SLIT3: variants seen among roughly 807,000 people sequenced by gnomAD.
The protein encoded by SLIT3 is slit homolog 3 protein.
In SLIT3, 68 loss-of-function variants were observed where a neutral mutation model predicts 184.0. That is an observed-to-expected ratio of 0.37 (90% CI 0.30 to 0.45). The LOEUF (loss-of-function observed/expected upper bound fraction) is 0.45. Ranked by LOEUF, SLIT3 falls within the 20% of genes least tolerant of loss-of-function variation. The probability of loss-of-function intolerance (pLI) is 1.00; values close to 1 mark genes in which losing one functional copy is unlikely to be tolerated. For missense variants in SLIT3, 1,707 were observed against 2,026.0 expected (o/e 0.84, Z 3.02); for synonymous variants, 831 against 828.6 (o/e 1.00, Z -0.05).
chr5:168,961,917 G>A (rs2113286059), intron 4 of SLIT3, among the ~76,000 whole-genome samples: 1 of 152,146 alleles, frequency 6.6e-6, no homozygotes, highest in Admixed American at 6.5e-5. Flanking sequence ...GGTCAAAGCT[G>A]TGCTTTGAAA....
rs565669907 is a variant in SLIT3 at position 169,198,262 on chromosome 5, G to A, written c.342-4712C>T. 2.2e-3 allele frequency among the ~76,000 whole-genome samples: 331 copies of A among 152,332 alleles called. 2 individuals carry two copies. The highest frequency in any genetic ancestry group is 7.3e-3 in the African/African-American group (305 of 41,576). On this transcript the variant is annotated intron_variant, in intron 3 of 35. Transcript: ENST00000519560. ...GTTCTTGAAAGCGAAGGTGTCGTGG[G>A]AACACAATGGAGCAGCAGCTAACCC...
intron 12 of SLIT3, among the ~76,000 whole-genome samples, chr5:168,784,868 G>GAC (rs34317589): frequency 0.032 from 4,854 of 149,810 alleles, 96 homozygotes; most frequent in African/African-American, 0.059. Flanking sequence ...ATTTTAAAAA[G>GAC]ACACACACAC....
At chr5:169,054,595 T>C (rs918586978) in intron 4 of SLIT3, among the ~76,000 whole-genome samples, 2 of 151,974 alleles carry the variant, frequency 1.3e-5, no homozygotes, top group African/African-American at 2.4e-5. Context: ...CCTAAGTCCC[T>C]CCCCTTCTTA....
intron 4 of SLIT3, among the ~76,000 whole-genome samples, chr5:168,914,175 T>A (rs1761358856): frequency 6.6e-6 from 1 of 152,254 alleles, no homozygotes; most frequent in East Asian, 1.9e-4. Context: ...TTAGAAAAGT[T>A]CCTAGCAGTG....
chr5:168,958,550 A>C (rs1198658324), intron 4 of SLIT3, among the ~76,000 whole-genome samples: 5 of 152,220 alleles, frequency 3.3e-5, no homozygotes, highest in Non-Finnish European at 7.3e-5. Context: ...TATCAAGTGA[A>C]AACCTGGTGT....
intron 4 of SLIT3, among the ~76,000 whole-genome samples, chr5:169,175,211 A>G (rs2113426906): frequency 6.6e-6 from 1 of 152,308 alleles, no homozygotes; most frequent in Admixed American, 6.5e-5. Flanking sequence ...GATACTTACA[A>G]TACACCATTA....
At chr5:168,844,552 C>T (rs1251064968) in intron 6 of SLIT3, 32 bp downstream of exon 6, 2 of 1,605,536 alleles carry the variant, frequency 1.2e-6, no homozygotes, top group East Asian at 2.2e-5. Flanking sequence ...CATGCACGCA[C>T]ACACAAGGCA....
At chr5:168,835,027 T>C (rs1758003899) in intron 6 of SLIT3, among the ~76,000 whole-genome samples, 1 of 152,214 alleles carries the variant, frequency 6.6e-6, no homozygotes, top group South Asian at 2.1e-4. Context: ...TTGTGTAAGA[T>C]GCACTTCAAG....
At chr5:169,118,748 C>T (rs760089526) in intron 4 of SLIT3, among the ~76,000 whole-genome samples, 1 of 152,168 alleles carries the variant, frequency 6.6e-6, no homozygotes, top group Non-Finnish European at 1.5e-5. Context: ...AAAAACCTGC[C>T]ACTCTGATAG....
At chr5:169,090,048 G>A (rs1181303641) in intron 4 of SLIT3, among the ~76,000 whole-genome samples, 2 of 152,146 alleles carry the variant, frequency 1.3e-5, no homozygotes, top group African/African-American at 2.4e-5. Context: ...AGAACTGAGA[G>A]CCCAACCCAG....
intron 3 of SLIT3, among the ~76,000 whole-genome samples, chr5:169,233,631 C>G (rs80350627): frequency 0.17 from 25,520 of 152,070 alleles, 2,418 homozygotes; most frequent in African/African-American, 0.24. Flanking sequence ...ACACGTACCC[C>G]GGAACTTAAA....
chr5:169,214,909 C>A (rs1350250223), intron 3 of SLIT3, among the ~76,000 whole-genome samples: 1 of 152,154 alleles, frequency 6.6e-6, no homozygotes, highest in African/African-American at 2.4e-5. Context: ...TCCAAACAAT[C>A]CCCTTCTCCT....
intron 20 of SLIT3, among the ~76,000 whole-genome samples, chr5:168,735,407 G>T (rs1388092683): frequency 1.2e-4 from 19 of 152,104 alleles, no homozygotes. Flanking sequence ...TGATGTGGGG[G>T]CAGCTCAGGG....
At chr5:168,812,734 A>G (rs1757202589) in intron 8 of SLIT3, among the ~76,000 whole-genome samples, 1 of 152,246 alleles carries the variant, frequency 6.6e-6, no homozygotes, top group African/African-American at 2.4e-5. Flanking sequence ...TTTAAATACC[A>G]GAGGCATGAT....
In SLIT3 at chr5:169,060,910, A is replaced by G. The variant is rs1335408630; in HGVS notation, c.413+132569T>C. ...ATGCTGAATCTCTTTTCCAATCTAA[A>G]TGGGACCTTTAGTGGTATCCACAGG... is the stretch of plus-strand genomic sequence containing the variant. On this transcript the variant is annotated intron_variant, in intron 4 of 35. Transcript: ENST00000519560. Among the ~76,000 whole-genome samples, 3 of 152,200 alleles carry G rather than the reference A, an allele frequency of 2.0e-5. No individual in the cohort carries two copies. The East Asian group carries it at 5.8e-4, about 29-fold the overall frequency.
intron 4 of SLIT3, among the ~76,000 whole-genome samples, chr5:168,928,099 T>C (rs1414817131): frequency 2.0e-5 from 3 of 152,222 alleles, no homozygotes; most frequent in African/African-American, 7.2e-5. Context: ...ACCTTCCCAG[T>C]ACCCAGGAGA....
intron 4 of SLIT3, among the ~76,000 whole-genome samples, chr5:169,020,292 C>A (rs910972953): frequency 6.6e-6 from 1 of 152,168 alleles, no homozygotes; most frequent in African/African-American, 2.4e-5. Flanking sequence ...GTCTCCTTTG[C>A]AGTTGGTCCT....
At chr5:169,298,646 G>C (rs1210211526) in intron 1 of SLIT3, among the ~76,000 whole-genome samples, 1 of 152,210 alleles carries the variant, frequency 6.6e-6, no homozygotes, top group African/African-American at 2.4e-5. Flanking sequence ...TCCCAAGACT[G>C]TCTGTTTATA....
chr5:168,979,922 T>G (rs934281877), intron 4 of SLIT3, among the ~76,000 whole-genome samples: 2 of 151,944 alleles, frequency 1.3e-5, no homozygotes, highest in African/African-American at 4.8e-5. Context: ...AGACCTCATT[T>G]CTCTCTCTCT....
Sources: gnomAD v4.1 joint callset for allele counts (sites outside exome capture counted in the v4.1 genomes callset) on GRCh38, gnomAD v4.1.1 for gene constraint, MANE v1.5 for transcripts, NCBI Gene and HGNC (gene_info 2026-07-23, HGNC 2026-07-21) for gene names.